The following ARPIN variants were observed in gnomAD, a reference collection of about 807,000 sequenced individuals.
ARPIN encodes the protein UPF0552 protein C15orf38.
ARPIN carries 23 observed loss-of-function variants against 25.9 expected under a neutral mutation model. The observed-to-expected ratio is 0.89, with a 90% CI of 0.64 to 1.26. The LOEUF (loss-of-function observed/expected upper bound fraction) is 1.26, where lower values mean the gene tolerates loss of function less well. Among genes scored for constraint, ARPIN ranks in the 50% most tolerant of loss-of-function variants. ARPIN has a pLI of 0.00. For synonymous variants in ARPIN, 126 were observed against 131.4 expected (o/e 0.96, Z 0.28); for missense variants, 333 against 312.2 (o/e 1.07, Z -0.50).
intron 3 of ARPIN, among the ~76,000 whole-genome samples, chr15:89,904,691 A>G (rs984685537): frequency 2.6e-5 from 4 of 152,196 alleles, no homozygotes; most frequent in Admixed American, 1.3e-4. Context: ...CTGTGTGTTC[A>G]CAAGGCCACA....
chr15:89,909,746 A>G (rs1300830207), intron 2 of ARPIN, among the ~76,000 whole-genome samples: 1 of 152,178 alleles, frequency 6.6e-6, no homozygotes, highest in Admixed American at 6.5e-5. Context: ...CATCTCAGGT[A>G]AGCAGCCATG....
intron 3 of ARPIN, among the ~76,000 whole-genome samples, chr15:89,904,556 T>C (rs1371091421): frequency 1.3e-5 from 2 of 152,150 alleles, no homozygotes; most frequent in African/African-American, 4.8e-5. Flanking sequence ...GAGTAAACTC[T>C]GGTAGTCCCC....
rs565631289 is a variant in ARPIN at position 89,908,438 on chromosome 15, G to T, written c.169-26C>A. 4.3e-6 allele frequency: 7 copies of T among 1,612,614 alleles called. No homozygotes were observed. The South Asian group carries it at 7.7e-5, about 18-fold the overall frequency. On this transcript the variant is annotated intron_variant, in intron 2 of 5. Coordinates refer to ENST00000357484, the MANE Select transcript of ARPIN (RefSeq NM_182616.4). The stretch of plus-strand genomic sequence containing the variant: ...CTGGGGCCAGGCAGACAGAGAGTGA[G>T]GGGGCGGCTTCATCCCACAACACAC...
At chr15:89,912,489 T>TG in intron 1 of ARPIN, 1 of 1,274,648 alleles carries the variant, frequency 7.8e-7, no homozygotes, top group Non-Finnish European at 9.9e-7. Flanking sequence ...GAGACCTGTC[T>TG]GGGGGTCGGG....
At position 89,900,514 on chromosome 15, in the gene ARPIN, G is replaced by T. The variant is rs1255246694; in HGVS notation, c.*1281C>A. 1 of 151,980 alleles carries T rather than the reference G, an allele frequency of 6.6e-6. No homozygotes were observed. The highest frequency in any genetic ancestry group is 1.5e-5 in the Non-Finnish European group (1 of 68,014). 9.4% of individuals were successfully genotyped at this position (151,980 alleles called of 1,614,324 possible). ...GAGCTTTAGTCTCATGAGAAAATGG[G>T]AATAATAATCAGTACCTCATGGACT... On this transcript the variant is annotated 3_prime_UTR_variant, in exon 6 of 6. Coordinates refer to ENST00000357484, the MANE Select transcript of ARPIN (RefSeq NM_182616.4).
At chr15:89,910,674 A>C in intron 2 of ARPIN, 70 bp downstream of exon 2, 50 of 1,584,090 alleles carry the variant, frequency 3.2e-5, no homozygotes, top group Non-Finnish European at 4.1e-5. Context: ...ACCCAGCACA[A>C]GGAGATGCCA....
rs549032724 is a variant in ARPIN, at chr15:89,903,660, G to A, written c.508+117C>T. 6.3e-5 allele frequency: 94 copies of A among 1,490,870 alleles called. 1 individual carries two copies. The highest frequency in any genetic ancestry group is 5.8e-4 in the Admixed American group (29 of 50,064). 92.4% of individuals were successfully genotyped at this position (1,490,870 alleles called of 1,614,324 possible). A position where few individuals can be genotyped will look rare whatever the true frequency, so the allele number is the denominator to read the frequency against. On this transcript the variant is annotated intron_variant, in intron 4 of 5. Transcript: ENST00000357484. ...AGGAGTAAATCTCAAGGGCTTGGTC[G>A]TGTCCCCATGGAGGCCAGCCCTTGC...
chr15:89,903,421 CAGAAA>C, intron 4 of ARPIN, 42 bp from the exon 5 acceptor site: 1 of 1,611,662 alleles, frequency 6.2e-7, no homozygotes, highest in Non-Finnish European at 8.5e-7. Flanking sequence ...GTCCCTGTGG[CAGAAA>C]CATAGTGAGG....
intron 3 of ARPIN, among the ~76,000 whole-genome samples, chr15:89,905,618 G>C (rs1452143228): frequency 1.3e-5 from 2 of 152,108 alleles, no homozygotes; most frequent in Non-Finnish European, 2.9e-5. Context: ...TAACCCGTGG[G>C]CAGTGCCTGA....
rs1567196887 is a variant in ARPIN at position 89,908,423 on chromosome 15, G to A, written c.169-11C>T. On this transcript the variant is annotated splice_polypyrimidine_tract_variant and intron_variant, in intron 2 of 5. Transcript: ENST00000357484. The stretch of plus-strand genomic sequence containing the variant: ...CACGTAGTAGCGCTCCTGGGGCCAG[G>A]CAGACAGAGAGTGAGGGGGCGGCTT... 1 of 1,613,738 alleles carries A rather than the reference G, an allele frequency of 6.2e-7. No homozygotes were observed. The highest frequency in any genetic ancestry group is 1.7e-5 in the Admixed American group (1 of 59,994).
chr15:89,911,874 T>C (rs140296219), intron 1 of ARPIN, among the ~76,000 whole-genome samples: 4,653 of 152,276 alleles, frequency 0.031, 236 homozygotes, highest in African/African-American at 0.1. Context: ...TCGCCCAGGA[T>C]GGAGTGCAGT....
Position 89,895,445 on chromosome 15 carries a change from C to T in ARPIN, c.*6350G>A, listed in dbSNP as rs968270386. The T allele has an allele frequency of 6.6e-6, 1 of 152,218 alleles. No homozygotes were observed. The highest frequency in any genetic ancestry group is 6.5e-5 in the Admixed American group (1 of 15,280). The allele number at this position is 152,218 out of a possible 1,614,324, so 9.4% of individuals were successfully genotyped here. The stretch of plus-strand genomic sequence containing the variant: ...GGAACCACACTGCCCTGATTCAAAG[C>T]ATGGTTCTGCGGACTGCCTGGGCAC... On this transcript the variant is annotated 3_prime_UTR_variant, in exon 6 of 6. Coordinates refer to ENST00000357484, the MANE Select transcript of ARPIN (RefSeq NM_182616.4).
In ARPIN at chr15:89,901,410, G is replaced by C; in HGVS notation, c.*385C>G. 1 of 240,864 alleles carries C rather than the reference G, an allele frequency of 4.2e-6. No homozygotes were observed. The highest frequency in any genetic ancestry group is 6.2e-5 in the South Asian group (1 of 16,204). 14.9% of individuals were successfully genotyped at this position (240,864 alleles called of 1,614,324 possible). On this transcript the variant is annotated 3_prime_UTR_variant, in exon 6 of 6. Coordinates refer to ENST00000357484, the MANE Select transcript of ARPIN (RefSeq NM_182616.4). The stretch of plus-strand genomic sequence containing the variant: ...GGGTCAACATGAGGCTGGGTGCAGT[G>C]GCTCACGCCTGTAATCCCAACACCT...
At chr15:89,912,678 C>T (rs1400794971) in intron 1 of ARPIN, 66 bp downstream of exon 1, 9 of 1,220,728 alleles carry the variant, frequency 7.4e-6, no homozygotes, top group African/African-American at 3.2e-5. Context: ...CCCCCCCACC[C>T]GATCCTGTTG....
chr15:89,902,104 G>A lies in ARPIN; in HGVS notation c.673-301C>T, dbSNP rs1186070410. 2.6e-5 allele frequency among the ~76,000 whole-genome samples: 4 copies of A among 152,142 alleles called. No homozygotes were observed. The East Asian group carries it at 5.8e-4, about 22-fold the overall frequency. On this transcript the variant is annotated intron_variant, in intron 5 of 5. Coordinates refer to ENST00000357484, the MANE Select transcript of ARPIN (RefSeq NM_182616.4). ...AAATAGTGCATTTTTCTGTGACTTC[G>A]TTGCTTCAGATGTTCATTTTGAGGC... is the stretch of plus-strand genomic sequence containing the variant.
At position 89,908,305 on chromosome 15, in the gene ARPIN, G is replaced by A. The variant is rs756550195; in HGVS notation, c.276C>T (p.Asn92=). ...TGTAGGACGACATGAGGAAGCCCGTGTTCACCTTCCTGGTGGCGCTGAAGT... is the reference window on the plus strand; with the variant it reads ...TGTAGGACGACATGAGGAAGCCCGTATTCACCTTCCTGGTGGCGCTGAAGT... ...EPNFSATRKV[N]TGFLMSSYKV... is the part of the protein sequence containing the mutation. Residue 92 remains asparagine (N), a synonymous_variant, in exon 3 of 6, where the codon AAC becomes AAT. Transcript: ENST00000357484. The A allele has an allele frequency of 6.2e-7, 1 of 1,614,240 alleles. No homozygotes were observed. The highest frequency in any genetic ancestry group is 8.5e-7 in the Non-Finnish European group (1 of 1,180,036).
chr15:89,909,042 T>C (rs1238275142), intron 2 of ARPIN, among the ~76,000 whole-genome samples: 1 of 151,910 alleles, frequency 6.6e-6, no homozygotes, highest in East Asian at 1.9e-4. Flanking sequence ...GCAAATACCA[T>C]GAAGCAGGAA....
Position 89,908,073 on chromosome 15 carries a change from C to T in ARPIN, c.301+207G>A, listed in dbSNP as rs1046568218. Among the ~76,000 whole-genome samples the T allele has an allele frequency of 2.6e-5, 4 of 152,214 alleles. No homozygotes were observed. The East Asian group carries it at 7.7e-4, about 29-fold the overall frequency. On this transcript the variant is annotated intron_variant, in intron 3 of 5. Coordinates refer to ENST00000357484, the MANE Select transcript of ARPIN (RefSeq NM_182616.4). ...CAGGAGGTGGGAAGGCCAGCCTGGC[C>T]CCTGGAATGGAGGGGAGGGAACGGG...
chr15:89,910,136 C>T (rs914051106), intron 2 of ARPIN, among the ~76,000 whole-genome samples: 2 of 152,128 alleles, frequency 1.3e-5, no homozygotes, highest in African/African-American at 4.8e-5. Flanking sequence ...ACAGGAGGGA[C>T]ATGCAGGCTC....
Sources: allele counts gnomAD v4.1 joint callset (sites outside exome capture counted in the v4.1 genomes callset), GRCh38; gene constraint gnomAD v4.1.1; transcripts MANE v1.5; gene names NCBI Gene and HGNC (gene_info 2026-07-23, HGNC 2026-07-21).